HDAC4: variants seen among roughly 807,000 people sequenced by gnomAD.
HDAC4 encodes the protein histone deacetylase 4.
A neutral mutation model predicts 135.1 loss-of-function variants in HDAC4; 16 were observed. That is an observed-to-expected ratio of 0.12 (90% confidence interval 0.08 to 0.18). The LOEUF (loss-of-function observed/expected upper bound fraction) is 0.18. Ranked by LOEUF, HDAC4 falls within the 10% of genes least tolerant of loss-of-function variation. The pLI is 1.00. For missense variants in HDAC4, 1,143 were observed against 1,511.8 expected, an observed-to-expected ratio of 0.76 and a Z score of 4.05; for synonymous variants, 685 against 653.4, an observed-to-expected ratio of 1.05 and a Z score of -0.74.
chr2:239,080,976 C>G (rs1433201775), intron 22 of HDAC4, 119 bp downstream of exon 22: 1 of 739,468 alleles, frequency 1.4e-6, no homozygotes, highest in African/African-American at 1.7e-5. Context: ...CCGGACCCCA[C>G]AGCCCCGTTC....
At chr2:239,359,964 T>C (rs960096237) in intron 1 of HDAC4, among the ~76,000 whole-genome samples, 1 of 152,166 alleles carries the variant, frequency 6.6e-6, no homozygotes, top group African/African-American at 2.4e-5. Context: ...AGAGCAGGCA[T>C]GCTAGACCCA....
At chr2:239,132,679 G>C (rs988956597) in intron 11 of HDAC4, among the ~76,000 whole-genome samples, 14 of 152,312 alleles carry the variant, frequency 9.2e-5, no homozygotes, top group Non-Finnish European at 1.3e-4. Context: ...ATGCACACTC[G>C]ATATCCAGGT....
chr2:239,349,533 A>C lies in HDAC4; in HGVS notation c.22+3145T>G, dbSNP rs1692970087. 6.6e-6 allele frequency among the ~76,000 whole-genome samples: 1 copy of C among 152,180 alleles called. No individual in the cohort carries two copies. Among genetic ancestry groups the C allele is most frequent in the Admixed American group, 6.5e-5 (1 of 15,280 alleles). ...ACAGAGGAACTTCCCGAAACTAGAG[A>C]TCTCTGGGGATGGAGCTGCTTGGGA... On this transcript the variant is annotated intron_variant, in intron 2 of 26. Coordinates refer to ENST00000543185, the MANE Select transcript of HDAC4 (RefSeq NM_001378414.1). This position sits in a 1 kb window ranked among gnomAD's most constrained non-coding sequence, Gnocchi z 5.7.
Position 239,073,966 on chromosome 2 carries a change from GGGGGGCCGCAGGACTGA to G in HDAC4, c.2751-5376_2751-5360del, listed in dbSNP as rs1323692067. Among the ~76,000 whole-genome samples the G allele has an allele frequency of 4.2e-4, 64 of 151,172 alleles. No homozygotes were observed. In the East Asian group the frequency reaches 4.9e-3, roughly 12 times the overall value. Reference sequence around the variant, plus strand: ...CCAACCTAATGGGCAGCAGGACTGAGGGGGGCCGCAGGACTGAGGGGGCCGCAGGACTGAGGGGGGCA... The same window carrying G: ...CCAACCTAATGGGCAGCAGGACTGAGGGGGGCCGCAGGACTGAGGGGGGCA... On this transcript the variant is annotated intron_variant, in intron 22 of 26. Coordinates refer to ENST00000543185, the MANE Select transcript of HDAC4 (RefSeq NM_001378414.1).
In HDAC4 at chr2:239,167,788, A is replaced by G. The variant is rs1327472776; in HGVS notation, c.491-3865T>C. Among the ~76,000 whole-genome samples the G allele has an allele frequency of 6.7e-6, 1 of 150,350 alleles. No individual in the cohort carries two copies. The highest frequency in any genetic ancestry group is 1.5e-5 in the Non-Finnish European group (1 of 67,862). On this transcript the variant is annotated intron_variant, in intron 5 of 26. Transcript: ENST00000543185. The surrounding 1 kb of genome is among the most constrained non-coding windows in gnomAD (Gnocchi z 4.1). ...ACTCATCCCCTGCATGGAGGCTTCT[A>G]CAGAGGCTCTATGAGATGCCAGCCC...
chr2:239,369,554 A>C (rs1292558823), intron 1 of HDAC4, among the ~76,000 whole-genome samples: 1 of 152,240 alleles, frequency 6.6e-6, no homozygotes, highest in East Asian at 1.9e-4. Flanking sequence ...TTTAATGTAA[A>C]AAGCAAAGCT....
At chr2:239,154,356 G>A (rs1473325383) in intron 7 of HDAC4, among the ~76,000 whole-genome samples, 1 of 152,156 alleles carries the variant, frequency 6.6e-6, no homozygotes, top group Non-Finnish European at 1.5e-5. Context: ...CCACAGCCGT[G>A]AGGATGTGGG....
chr2:239,124,977 G>A (rs944030567), intron 12 of HDAC4, among the ~76,000 whole-genome samples: 7 of 151,858 alleles, frequency 4.6e-5, no homozygotes, highest in Non-Finnish European at 7.4e-5. Context: ...GTGTGCTGGC[G>A]TGTGGCCGCG....
rs1228370743 is a variant in HDAC4 at position 239,303,742 on chromosome 2, A to AC, written c.22+48935dup. 6.6e-6 allele frequency among the ~76,000 whole-genome samples: 1 copy of AC among 151,766 alleles called. No individual in the cohort carries two copies. Among genetic ancestry groups the AC allele is most frequent in the African/African-American group, 2.4e-5 (1 of 41,270 alleles). Reference sequence around the variant, plus strand: ...ACGTCGGGCAGCAACTGCAGGCCTCACCCCTCACTCTTCAAAAGCGACTGC... The same window carrying AC: ...ACGTCGGGCAGCAACTGCAGGCCTCACCCCCTCACTCTTCAAAAGCGACTGC... On this transcript the variant is annotated intron_variant, in intron 2 of 26. Coordinates refer to ENST00000543185, the MANE Select transcript of HDAC4 (RefSeq NM_001378414.1). The surrounding 1 kb of genome is among the most constrained non-coding windows in gnomAD (Gnocchi z 5.1).
Position 239,298,147 on chromosome 2 carries a change from A to G in HDAC4, c.22+54531T>C, listed in dbSNP as rs112382121. On this transcript the variant is annotated intron_variant, in intron 2 of 26. Transcript: ENST00000543185. ...CTAAAACATAAACAAGAAATTCCAA[A>G]CCAAATAATTCTCCTCACCAAACAT... 9.9e-5 allele frequency: 121 copies of G among 1,224,740 alleles called. No homozygotes were observed. The African/African-American group carries it at 1.6e-3, about 16-fold the overall frequency. 75.9% of individuals were successfully genotyped at this position (1,224,740 alleles called of 1,614,324 possible). A position where few individuals can be genotyped will look rare whatever the true frequency, so the allele number is the denominator to read the frequency against.
intron 3 of HDAC4, among the ~76,000 whole-genome samples, chr2:239,225,384 G>A (rs1482491287): frequency 6.6e-6 from 1 of 152,244 alleles, no homozygotes; most frequent in Non-Finnish European, 1.5e-5. Flanking sequence ...GCAGAGAAAG[G>A]AGAACAGCTA....
At chr2:239,279,854 GCCTTCCCCAGGAC>G (rs968391525) in intron 2 of HDAC4, among the ~76,000 whole-genome samples, 1 of 152,178 alleles carries the variant, frequency 6.6e-6, no homozygotes, top group African/African-American at 2.4e-5. Flanking sequence ...GCTTCTCCAC[GCCTTCCCCAGGAC>G]CCTTCCCTAA....
At chr2:239,263,408 G>A (rs2125124560) in intron 2 of HDAC4, among the ~76,000 whole-genome samples, 1 of 151,740 alleles carries the variant, frequency 6.6e-6, no homozygotes, top group South Asian at 2.1e-4. Context: ...TTCACAACAG[G>A]CAGCAGGTGA....
chr2:239,162,397 A>G (rs1485248364), intron 6 of HDAC4: 3 of 453,752 alleles, frequency 6.6e-6, no homozygotes, highest in Non-Finnish European at 1.3e-5. Context: ...CACCATCTGA[A>G]CCACGATCCA....
intron 12 of HDAC4, among the ~76,000 whole-genome samples, chr2:239,118,468 G>A (rs2039337859): frequency 6.6e-6 from 1 of 152,196 alleles, no homozygotes; most frequent in African/African-American, 2.4e-5. Flanking sequence ...AAACTCGCAG[G>A]GAGGAGAGTG....
chr2:239,367,626 G>T lies in HDAC4; in HGVS notation c.-219-14708C>A, dbSNP rs568367787. On this transcript the variant is annotated intron_variant, in intron 1 of 26. Transcript: ENST00000543185. The stretch of plus-strand genomic sequence containing the variant: ...TGGGTCACAGTCAAAACTGTTTGGC[G>T]AACAAAATTATTAAAAATACTATAT... Among the ~76,000 whole-genome samples, 187 of 152,232 alleles carry T rather than the reference G, an allele frequency of 1.2e-3. 1 individual carries two copies. Among genetic ancestry groups the T allele is most frequent in the Non-Finnish European group, 2.2e-3 (147 of 68,008 alleles).
Position 239,386,660 on chromosome 2 carries a change from G to A in HDAC4, c.-220+14318C>T, listed in dbSNP as rs987472300. On this transcript the variant is annotated intron_variant, in intron 1 of 26. Coordinates refer to ENST00000543185, the MANE Select transcript of HDAC4 (RefSeq NM_001378414.1). ...CTGTAAGGAAATCCCATGAGCACCG[G>A]CTTTAGGTGTAAGAGCTTGACTTTC... 1.4e-4 allele frequency among the ~76,000 whole-genome samples: 22 copies of A among 152,342 alleles called. 1 individual carries two copies. The highest frequency in any genetic ancestry group is 1.4e-3 in the Admixed American group (21 of 15,304).
At position 239,190,035 on chromosome 2, in the gene HDAC4, G is replaced by T. The variant is rs757545527; in HGVS notation, c.137C>A (p.Ala46Glu). ...GTCCAGGCGCAGGTCCATGGGCACT[G>T]CCGAGGGGGCCACTTGCAGAGGCAG... is the stretch of plus-strand genomic sequence containing the variant. ...TALPLQVAPS[A>E]VPMDLRLDHQ... is the part of the protein sequence containing the mutation. The change falls in exon 4 of 27, where the codon GCA becomes GAA. Residue 46 changes from alanine (A) to glutamate (E), a missense_variant. By Grantham distance (107) the Ala-to-Glu change is moderately radical (BLOSUM62 -1). Coordinates refer to ENST00000543185, the MANE Select transcript of HDAC4 (RefSeq NM_001378414.1). 1 of 1,603,560 alleles carries T rather than the reference G, an allele frequency of 6.2e-7. No homozygotes were observed. The highest frequency in any genetic ancestry group is 8.5e-7 in the Non-Finnish European group (1 of 1,179,488).
In HDAC4 at chr2:239,167,054, A is replaced by C. The variant is rs1420378058; in HGVS notation, c.491-3131T>G. On this transcript the variant is annotated intron_variant, in intron 5 of 26. Coordinates refer to ENST00000543185, the MANE Select transcript of HDAC4 (RefSeq NM_001378414.1). The surrounding 1 kb of genome is among the most constrained non-coding windows in gnomAD (Gnocchi z 4.1). Reference sequence around the variant, plus strand: ...CCCAGATGGCCAGTTGTTGGAGGGGACTGCCCTGCAGGTCCCCCTACATGG... The same window carrying C: ...CCCAGATGGCCAGTTGTTGGAGGGGCCTGCCCTGCAGGTCCCCCTACATGG... 6.6e-6 allele frequency among the ~76,000 whole-genome samples: 1 copy of C among 151,838 alleles called. No homozygotes were observed. Among genetic ancestry groups the C allele is most frequent in the Non-Finnish European group, 1.5e-5 (1 of 67,980 alleles).
Sources: gnomAD v4.1 joint callset for allele counts (sites outside exome capture counted in the v4.1 genomes callset) on GRCh38, gnomAD v4.1.1 for gene constraint, Gnocchi (gnomAD v3.1) non-coding constraint, MANE v1.5 for transcripts, NCBI Gene and HGNC (gene_info 2026-07-23, HGNC 2026-07-21) for gene names.